The following MCF2L2 variants were observed in gnomAD, a reference collection of about 807,000 sequenced individuals.
The protein encoded by MCF2L2 is MCF.2 cell line derived transforming sequence-like 2.
MCF2L2 carries 102 observed loss-of-function variants against 150.2 expected under a neutral mutation model. That is an observed-to-expected ratio of 0.68 (90% CI 0.58 to 0.80). MCF2L2 has a LOEUF of 0.80. MCF2L2 is among the 30% of genes least tolerant of loss of function. The probability of loss-of-function intolerance (pLI) is 0.00; values close to 1 mark genes in which losing one functional copy is unlikely to be tolerated. For missense variants in MCF2L2, 1,256 were observed against 1,372.8 expected, an observed-to-expected ratio of 0.91 and a Z score of 1.34; for synonymous variants, 465 against 491.3, an observed-to-expected ratio of 0.95 and a Z score of 0.71.
intron 19 of MCF2L2, 89 bp downstream of exon 19, chr3:183,224,009 G>A (rs1723254593): frequency 3.2e-6 from 3 of 933,312 alleles, no homozygotes; most frequent in Admixed American, 3.8e-5. Context: ...GCAATGCCAA[G>A]TTCCTCTCCC....
chr3:183,281,697 C>T (rs1010994), intron 14 of MCF2L2, among the ~76,000 whole-genome samples: 3,892 of 151,944 alleles, frequency 0.026, 174 homozygotes, highest in African/African-American at 0.086. Flanking sequence ...CTTGGGAGGG[C>T]GATTCCTGGA....
At chr3:183,357,458 C>A (rs1471134191) in intron 3 of MCF2L2, among the ~76,000 whole-genome samples, 6 of 152,160 alleles carry the variant, frequency 3.9e-5, no homozygotes, top group African/African-American at 1.4e-4. Context: ...GGTCAATCAT[C>A]CTTAATCCAA....
intron 3 of MCF2L2, among the ~76,000 whole-genome samples, chr3:183,354,194 C>T (rs989804997): frequency 4.6e-5 from 7 of 152,202 alleles, no homozygotes; most frequent in African/African-American, 1.7e-4. Flanking sequence ...TCCAACCTGA[C>T]TCTAGTACAG....
chr3:183,269,692 C>A lies in MCF2L2; in HGVS notation c.1862+7180G>T, dbSNP rs897797892. 7.2e-6 allele frequency: 7 copies of A among 968,990 alleles called. No individual in the cohort carries two copies. In the African/African-American group the frequency reaches 1.0e-4, roughly 14 times the overall value. The allele number at this position is 968,990 out of a possible 1,614,324, so 60.0% of individuals were successfully genotyped here. On this transcript the variant is annotated intron_variant, in intron 15 of 29. Coordinates refer to ENST00000328913, the MANE Select transcript of MCF2L2 (RefSeq NM_015078.4). The stretch of plus-strand genomic sequence containing the variant: ...GAAGACTTCCATTTTTAATGACCAA[C>A]ATGTATTAAGATGGACACCTACTCT...
intron 25 of MCF2L2, among the ~76,000 whole-genome samples, chr3:183,201,990 C>G (rs1384905067): frequency 6.6e-6 from 1 of 152,122 alleles, no homozygotes; most frequent in Non-Finnish European, 1.5e-5. Flanking sequence ...GACTAATGAG[C>G]TTTTTAACTT....
At chr3:183,298,790 C>CACACACACACACACACACACACACACAT (rs1728689051) in intron 11 of MCF2L2, 1 of 152,354 alleles carries the variant, frequency 6.6e-6, no homozygotes, top group African/African-American at 2.4e-5. Flanking sequence ...CACACACACA[C>CACACACACACACACACACACACACACAT]ACACCAGGCT....
intron 15 of MCF2L2, among the ~76,000 whole-genome samples, chr3:183,276,308 G>A (rs181665515): frequency 5.3e-5 from 8 of 152,276 alleles, no homozygotes; most frequent in East Asian, 1.9e-4. Context: ...TATGATAGAC[G>A]CCATGGATAA....
chr3:183,199,065 C>T (rs1353593409), intron 25 of MCF2L2, among the ~76,000 whole-genome samples: 1 of 152,058 alleles, frequency 6.6e-6, no homozygotes, highest in Non-Finnish European at 1.5e-5. Flanking sequence ...AAATCAAGAA[C>T]TTATGTTGCT....
intron 1 of MCF2L2, among the ~76,000 whole-genome samples, chr3:183,409,431 C>T (rs1021763664): frequency 6.6e-6 from 1 of 151,952 alleles, no homozygotes; most frequent in Non-Finnish European, 1.5e-5. Context: ...GCTTAAGCCT[C>T]AAATTTCTCC....
At chr3:183,385,058 G>A (rs1041417809) in intron 2 of MCF2L2, among the ~76,000 whole-genome samples, 1 of 152,106 alleles carries the variant, frequency 6.6e-6, no homozygotes, top group African/African-American at 2.4e-5. Flanking sequence ...GAGATATGCT[G>A]TAAGTATAAA....
chr3:183,387,260 G>T (rs556511323), intron 2 of MCF2L2, among the ~76,000 whole-genome samples: 15 of 141,332 alleles, frequency 1.1e-4, no homozygotes, highest in Non-Finnish European at 1.8e-4. Flanking sequence ...GCGACACCAT[G>T]TCTCAAAAAA....
At chr3:183,393,519 A>G (rs1337591610) in intron 1 of MCF2L2, among the ~76,000 whole-genome samples, 1 of 152,158 alleles carries the variant, frequency 6.6e-6, no homozygotes, top group Non-Finnish European at 1.5e-5. Flanking sequence ...TTACCCACAC[A>G]AGGCAAAGGG....
chr3:183,302,066 G>C (rs1320997946), intron 10 of MCF2L2, among the ~76,000 whole-genome samples: 17 of 152,080 alleles, frequency 1.1e-4, no homozygotes, highest in Admixed American at 9.8e-4. Context: ...AAACCTCTGG[G>C]CATTGAGTCT....
chr3:183,400,755 AT>A (rs933680315), intron 1 of MCF2L2, among the ~76,000 whole-genome samples: 72 of 147,676 alleles, frequency 4.9e-4, no homozygotes, highest in East Asian at 7.8e-4. Context: ...GAGAATCAGA[AT>A]TTTTTTTTTT....
intron 12 of MCF2L2, chr3:183,296,413 G>A (rs1728506478): frequency 6.4e-6 from 1 of 155,426 alleles, no homozygotes; most frequent in South Asian, 2.0e-4. Context: ...GGTCTGCACT[G>A]TGCCAGGCTC....
At chr3:183,334,793 C>CAAA (rs576703262) in intron 5 of MCF2L2, among the ~76,000 whole-genome samples, 1 of 88,550 alleles carries the variant, frequency 1.1e-5, no homozygotes, top group Non-Finnish European at 2.6e-5. Context: ...AACTCCATTT[C>CAAA]AAAAAAAAAA....
intron 22 of MCF2L2, among the ~76,000 whole-genome samples, chr3:183,208,965 T>A (rs1001480356): frequency 7.2e-5 from 11 of 152,260 alleles, no homozygotes; most frequent in Non-Finnish European, 1.5e-4. Context: ...ATGTTAATTT[T>A]CTATTTTCTT....
chr3:183,219,293 G>A (rs1407311776), intron 21 of MCF2L2, among the ~76,000 whole-genome samples: 2 of 152,064 alleles, frequency 1.3e-5, no homozygotes, highest in African/African-American at 4.8e-5. Flanking sequence ...TGCATTTTAC[G>A]TATTTGCTTA....
intron 1 of MCF2L2, among the ~76,000 whole-genome samples, chr3:183,418,949 CTT>C (rs1021043073): frequency 1.1e-4 from 16 of 152,360 alleles, no homozygotes; most frequent in Admixed American, 7.8e-4. Flanking sequence ...ACTGGGGACT[CTT>C]ATTTCTCCTC....
Sources: allele counts gnomAD v4.1 joint callset (sites outside exome capture counted in the v4.1 genomes callset), GRCh38; gene constraint gnomAD v4.1.1; transcripts MANE v1.5; gene names NCBI Gene and HGNC (gene_info 2026-07-23, HGNC 2026-07-21).